Variants in LRMDA observed in about 807,000 individuals in gnomAD.
The protein encoded by LRMDA is leucine rich melanocyte differentiation associated.
In LRMDA, 18 loss-of-function variants were observed where a neutral mutation model predicts 29.8. The ratio of observed to expected loss-of-function variants is 0.60; its 90% CI spans 0.42 to 0.90. LRMDA has a LOEUF of 0.90. LRMDA is among the 40% of genes least tolerant of loss of function. The pLI is 0.00. For synonymous variants in LRMDA, 125 were observed against 109.4 expected (o/e 1.14, Z -0.89); for missense variants, 273 against 273.9 (o/e 1.00, Z 0.02).
chr10:76,506,000 C>A (rs1842955904), intron 6 of LRMDA, among the ~76,000 whole-genome samples: 1 of 151,876 alleles, frequency 6.6e-6, no homozygotes. Context: ...TGGATTTTTG[C>A]CCCTTCTCTA....
At chr10:75,778,662 G>A (rs906681768) in intron 2 of LRMDA, among the ~76,000 whole-genome samples, 2 of 152,166 alleles carry the variant, frequency 1.3e-5, no homozygotes, top group Middle Eastern at 3.2e-3. Flanking sequence ...AATGAAACTG[G>A]AAAATCAAAA....
intron 6 of LRMDA, among the ~76,000 whole-genome samples, chr10:76,343,703 C>T (rs1002411234): frequency 1.3e-5 from 2 of 151,860 alleles, no homozygotes; most frequent in Non-Finnish European, 2.9e-5. Flanking sequence ...TCTGTTACTA[C>T]CTATTATTTA....
chr10:76,108,124 G>A (rs1226158795), intron 5 of LRMDA, among the ~76,000 whole-genome samples: 2 of 152,158 alleles, frequency 1.3e-5, no homozygotes, highest in Non-Finnish European at 2.9e-5. Flanking sequence ...CTTATTTCAA[G>A]CTTGGGGAAA....
chr10:75,835,153 C>A (rs919296908), intron 2 of LRMDA, among the ~76,000 whole-genome samples: 1 of 152,126 alleles, frequency 6.6e-6, no homozygotes, highest in African/African-American at 2.4e-5. Context: ...GTCAGAAGTT[C>A]AAAATGAGGC....
chr10:75,559,581 G>A (rs964109907), intron 2 of LRMDA, among the ~76,000 whole-genome samples: 1 of 148,262 alleles, frequency 6.7e-6, no homozygotes, highest in Non-Finnish European at 1.5e-5. Context: ...CATTGCTTTT[G>A]GTGTTTTAGA....
At chr10:75,959,835 G>A (rs1846731858) in intron 2 of LRMDA, among the ~76,000 whole-genome samples, 1 of 152,176 alleles carries the variant, frequency 6.6e-6, no homozygotes, top group Non-Finnish European at 1.5e-5. Flanking sequence ...GTGCTTATGA[G>A]CATTTCATTT....
intron 2 of LRMDA, among the ~76,000 whole-genome samples, chr10:75,666,357 CA>C (rs1205454060): frequency 1.3e-5 from 2 of 150,162 alleles, no homozygotes; most frequent in Non-Finnish European, 2.9e-5. Context: ...TTGAAAAAAA[CA>C]AAAGCTAATT....
intron 2 of LRMDA, among the ~76,000 whole-genome samples, chr10:75,648,347 C>T (rs896182227): frequency 6.6e-6 from 1 of 152,148 alleles, no homozygotes; most frequent in African/African-American, 2.4e-5. Flanking sequence ...GTGCCTTTCC[C>T]TACAACTTGG....
intron 5 of LRMDA, among the ~76,000 whole-genome samples, chr10:76,126,752 C>T (rs1445825832): frequency 6.6e-6 from 1 of 152,190 alleles, no homozygotes; most frequent in African/African-American, 2.4e-5. Context: ...TCCTCTGAGC[C>T]ATTTAGCTGT....
chr10:76,534,023 G>A (rs1256963436), intron 6 of LRMDA, among the ~76,000 whole-genome samples: 1 of 152,130 alleles, frequency 6.6e-6, no homozygotes, highest in Non-Finnish European at 1.5e-5. Context: ...TACGTACTGT[G>A]TTATGTGCCA....
chr10:75,475,808 G>A (rs1299234135), intron 2 of LRMDA, among the ~76,000 whole-genome samples: 1 of 152,122 alleles, frequency 6.6e-6, no homozygotes, highest in Non-Finnish European at 1.5e-5. Flanking sequence ...AGTTTGTGCT[G>A]AGTAAATGAT....
chr10:75,682,895 C>A (rs1366713238), intron 2 of LRMDA, among the ~76,000 whole-genome samples: 2 of 152,180 alleles, frequency 1.3e-5, no homozygotes, highest in Non-Finnish European at 1.5e-5. Flanking sequence ...AGATAGAGGG[C>A]TGCTTTCCCT....
At chr10:75,842,633 C>T (rs1248535985) in intron 2 of LRMDA, among the ~76,000 whole-genome samples, 1 of 152,102 alleles carries the variant, frequency 6.6e-6, no homozygotes, top group African/African-American at 2.4e-5. Flanking sequence ...TGTGGTATGG[C>T]GAATGCTGTT....
chr10:75,826,561 AC>A (rs1844249917), intron 2 of LRMDA, among the ~76,000 whole-genome samples: 1 of 152,208 alleles, frequency 6.6e-6, no homozygotes, highest in Non-Finnish European at 1.5e-5. Context: ...TAAACTATTA[AC>A]TACGAAGTTT....
chr10:75,728,784 G>A (rs949276868), intron 2 of LRMDA, among the ~76,000 whole-genome samples: 1 of 152,026 alleles, frequency 6.6e-6, no homozygotes, highest in African/African-American at 2.4e-5. Flanking sequence ...TGTGGAGAAA[G>A]GGACTTAATG....
At chr10:76,237,438 G>T (rs923284007) in intron 5 of LRMDA, among the ~76,000 whole-genome samples, 3 of 152,048 alleles carry the variant, frequency 2.0e-5, no homozygotes, top group African/African-American at 4.8e-5. Context: ...GTGACCCAAG[G>T]TTATCAGTAA....
intron 2 of LRMDA, among the ~76,000 whole-genome samples, chr10:75,512,974 A>G (rs1448040772): frequency 1.3e-5 from 2 of 152,110 alleles, no homozygotes; most frequent in Non-Finnish European, 2.9e-5. Context: ...ATCAGTTGTT[A>G]TGTGAAAAAG....
At position 75,740,124 on chromosome 10, in the gene LRMDA, G is replaced by A. The variant is rs142897818; in HGVS notation, c.132-295884G>A. On this transcript the variant is annotated intron_variant, in intron 2 of 6. Transcript: ENST00000611255. ...ACGTTTATGTACAGCCATACATAAT[G>A]CATACATTTCTGAAATAAAATAAAA... Among the ~76,000 whole-genome samples, 87 of 152,318 alleles carry A rather than the reference G, an allele frequency of 5.7e-4. 1 individual carries two copies. In the Middle Eastern group the frequency reaches 0.01, roughly 18 times the overall value.
intron 2 of LRMDA, among the ~76,000 whole-genome samples, chr10:75,703,406 C>T (rs1842331565): frequency 6.6e-6 from 1 of 152,178 alleles, no homozygotes; most frequent in African/African-American, 2.4e-5. Flanking sequence ...GATAGAGGTG[C>T]CAGTGTGGGC....
Sources: gnomAD v4.1 joint callset for allele counts (sites outside exome capture counted in the v4.1 genomes callset) on GRCh38, gnomAD v4.1.1 for gene constraint, MANE v1.5 for transcripts, NCBI Gene and HGNC (gene_info 2026-07-23, HGNC 2026-07-21) for gene names.